PEDS1: variants seen among roughly 807,000 people sequenced by gnomAD.
The protein encoded by PEDS1 is plasmanylethanolamine desaturase 1, also known as CarF homolog.
PEDS1 carries 14 observed loss-of-function variants against 35.2 expected under a neutral mutation model. The ratio of observed to expected loss-of-function variants is 0.40; its 90% CI spans 0.26 to 0.62. The LOEUF (loss-of-function observed/expected upper bound fraction) is 0.62, where lower values mean the gene tolerates loss of function less well. Ranked by LOEUF, PEDS1 falls within the 20% of genes least tolerant of loss-of-function variation. The probability of loss-of-function intolerance (pLI) is 0.44; values close to 1 mark genes in which losing one functional copy is unlikely to be tolerated. For synonymous variants in PEDS1, 152 were observed against 152.0 expected (o/e 1.00, Z 0.00); for missense variants, 260 against 367.8 (o/e 0.71, Z 2.40).
intron 5 of PEDS1, among the ~76,000 whole-genome samples, chr20:50,127,489 C>T (rs1468371140): frequency 2.0e-5 from 3 of 151,992 alleles, no homozygotes; most frequent in Non-Finnish European, 2.9e-5. Context: ...TTACAGGTGC[C>T]TGCCACCAAG....
chr20:50,119,381 A>G lies in PEDS1; in HGVS notation c.*5677T>C, dbSNP rs1187945189. On this transcript the variant is annotated 3_prime_UTR_variant, in exon 6 of 6. Transcript: ENST00000371652. ...AGCCCAGGAGGCAGAGGCTGTAGTG[A>G]GCTGGGATTGCACCACTGCACTCTA... The G allele has an allele frequency of 1.4e-5, 2 of 147,840 alleles. No individual in the cohort carries two copies. Among genetic ancestry groups the G allele is most frequent in the Non-Finnish European group, 3.0e-5 (2 of 67,412 alleles). The allele number at this position is 147,840 out of a possible 1,614,324, so 9.2% of individuals were successfully genotyped here.
At chr20:50,127,488 C>G (rs1037380464) in intron 5 of PEDS1, among the ~76,000 whole-genome samples, 4 of 151,962 alleles carry the variant, frequency 2.6e-5, no homozygotes, top group African/African-American at 9.7e-5. Flanking sequence ...ATTACAGGTG[C>G]CTGCCACCAA....
intron 1 of PEDS1, among the ~76,000 whole-genome samples, chr20:50,152,250 G>A (rs1462670021): frequency 6.6e-6 from 1 of 152,214 alleles, no homozygotes; most frequent in Non-Finnish European, 1.5e-5. Context: ...TGGCCATGCC[G>A]CCTTTTAAGG....
chr20:50,136,057 C>T (rs1264277263), intron 2 of PEDS1, among the ~76,000 whole-genome samples: 1 of 152,068 alleles, frequency 6.6e-6, no homozygotes, highest in Non-Finnish European at 1.5e-5. Flanking sequence ...TGTAGACATC[C>T]ACCCTCATTT....
At chr20:50,137,601 G>A (rs1043309378) in intron 2 of PEDS1, among the ~76,000 whole-genome samples, 10 of 152,238 alleles carry the variant, frequency 6.6e-5, no homozygotes, top group South Asian at 2.1e-4. Context: ...AGCCAGGCGC[G>A]GTGGCTCACT....
chr20:50,149,898 C>A (rs1159708878), intron 1 of PEDS1, among the ~76,000 whole-genome samples: 1 of 152,170 alleles, frequency 6.6e-6, no homozygotes, highest in Non-Finnish European at 1.5e-5. Context: ...CCCGGTGCCC[C>A]GCCGTATGAC....
At chr20:50,144,138 A>C (rs958775072) in intron 1 of PEDS1, among the ~76,000 whole-genome samples, 2 of 152,218 alleles carry the variant, frequency 1.3e-5, no homozygotes, top group African/African-American at 4.8e-5. Flanking sequence ...GGCTGGATGC[A>C]TTAAACCAAG....
rs1303571765 is a variant in PEDS1, at chr20:50,119,565, G to A, written c.*5493C>T. ...CTCCAAAATATATTAAGTGAAAAAA[G>A]GCAAGGTGCAGAACTGTGTGCATAA... On this transcript the variant is annotated 3_prime_UTR_variant, in exon 6 of 6. Coordinates refer to ENST00000371652, the MANE Select transcript of PEDS1 (RefSeq NM_199129.4). The A allele has an allele frequency of 1.3e-5, 2 of 151,784 alleles. No individual in the cohort carries two copies. Among genetic ancestry groups the A allele is most frequent in the African/African-American group, 2.4e-5 (1 of 41,274 alleles). The allele number at this position is 151,784 out of a possible 1,614,324, so 9.4% of individuals were successfully genotyped here.
chr20:50,146,883 GC>G (rs2081350689), intron 1 of PEDS1, among the ~76,000 whole-genome samples: 2 of 152,148 alleles, frequency 1.3e-5, no homozygotes, highest in African/African-American at 4.8e-5. Context: ...CCCAGCAGCC[GC>G]CCCAGCCTGG....
chr20:50,143,657 G>A, intron 1 of PEDS1, 36 bp from the exon 2 acceptor site: 1 of 1,611,822 alleles, frequency 6.2e-7, no homozygotes. Flanking sequence ...AAGGCTGGAA[G>A]GTCAAGGCCA....
chr20:50,135,491 T>C (rs2081224555), intron 2 of PEDS1, among the ~76,000 whole-genome samples: 1 of 151,380 alleles, frequency 6.6e-6, no homozygotes, highest in African/African-American at 2.4e-5. Flanking sequence ...AAACCCTGTC[T>C]CTACTAAAAA....
chr20:50,139,826 G>A (rs190520653), intron 2 of PEDS1, among the ~76,000 whole-genome samples: 9 of 151,964 alleles, frequency 5.9e-5, no homozygotes, highest in African/African-American at 9.6e-5. Context: ...GATTATAGGC[G>A]CCTACCACCA....
chr20:50,143,546 A>T lies in PEDS1; in HGVS notation c.197T>A (p.Leu66Gln), dbSNP rs777392242. 1 of 1,613,686 alleles carries T rather than the reference A, an allele frequency of 6.2e-7. No individual in the cohort carries two copies. Among genetic ancestry groups the T allele is most frequent in the Non-Finnish European group, 8.5e-7 (1 of 1,179,894 alleles). ...LIAHNLVHLL[L>Q]LARWEDTPLV... is the part of the protein sequence containing the mutation. ...GGGTGTGTCCTCCCAGCGGGCCAGC[A>T]GCAGGAGATGGACCAGGTTGTGGGC... is the stretch of plus-strand genomic sequence containing the variant. Residue 66 changes from leucine to glutamine, a missense_variant, in exon 2 of 6, where the codon CTG (leucine) becomes CAG (glutamine). By Grantham distance (113) the Leu-to-Gln change is moderately radical (BLOSUM62 -2). Coordinates refer to ENST00000371652, the MANE Select transcript of PEDS1 (RefSeq NM_199129.4).
intron 1 of PEDS1, among the ~76,000 whole-genome samples, chr20:50,149,204 C>A (rs1357924260): frequency 6.6e-6 from 1 of 152,124 alleles, no homozygotes; most frequent in Non-Finnish European, 1.5e-5. Context: ...GGGGACTGAA[C>A]CCCTGGGTTC....
At chr20:50,142,444 G>T (rs938711152) in intron 2 of PEDS1, among the ~76,000 whole-genome samples, 1 of 152,074 alleles carries the variant, frequency 6.6e-6, no homozygotes, top group Non-Finnish European at 1.5e-5. Flanking sequence ...TGTGTGACAG[G>T]CCTGCTATTT....
intron 1 of PEDS1, among the ~76,000 whole-genome samples, chr20:50,145,577 C>T (rs1011937241): frequency 6.6e-6 from 1 of 152,002 alleles, no homozygotes; most frequent in Admixed American, 6.6e-5. Context: ...CGCCTGTAGT[C>T]CCAGCTACTC....
rs1380225811 is a variant in PEDS1, at chr20:50,128,375, C to G, written c.479-188G>C. On this transcript the variant is annotated intron_variant, in intron 4 of 5. Coordinates refer to ENST00000371652, the MANE Select transcript of PEDS1 (RefSeq NM_199129.4). The surrounding 1 kb of genome is among the most constrained non-coding windows in gnomAD (Gnocchi z 5.2). ...CTGGGCTTCAGGCTTTCCTCCTGCT[C>G]AGGAAGCAGGCGTAATGGTGTAATA... Among the ~76,000 whole-genome samples, 2 of 152,164 alleles carry G rather than the reference C, an allele frequency of 1.3e-5. No individual in the cohort carries two copies. The highest frequency in any genetic ancestry group is 4.8e-5 in the African/African-American group (2 of 41,432).
In PEDS1 at chr20:50,129,923, C is replaced by T. The variant is rs1016143045; in HGVS notation, c.334-233G>A. Among the ~76,000 whole-genome samples the T allele has an allele frequency of 6.6e-6, 1 of 152,174 alleles. No individual in the cohort carries two copies. The highest frequency in any genetic ancestry group is 1.5e-5 in the Non-Finnish European group (1 of 68,038). On this transcript the variant is annotated intron_variant, in intron 3 of 5. Coordinates refer to ENST00000371652, the MANE Select transcript of PEDS1 (RefSeq NM_199129.4). The surrounding 1 kb of genome is among the most constrained non-coding windows in gnomAD (Gnocchi z 4.2). ...AGGGCTTTGGGTTGGCACTGTCTGC[C>T]TCTGGGCCTCAGTCTCCCTACCTGT...
chr20:50,151,041 T>G (rs1046771420), intron 1 of PEDS1, among the ~76,000 whole-genome samples: 2 of 152,180 alleles, frequency 1.3e-5, no homozygotes, highest in African/African-American at 4.8e-5. Flanking sequence ...CCCCAGAGCC[T>G]AGAACATGGA....
Sources: allele counts gnomAD v4.1 joint callset (sites outside exome capture counted in the v4.1 genomes callset), GRCh38; gene constraint gnomAD v4.1.1; non-coding constraint Gnocchi (gnomAD v3.1); transcripts MANE v1.5; gene names NCBI Gene and HGNC (gene_info 2026-07-23, HGNC 2026-07-21).